The following CLN8 variants were observed in gnomAD, a reference collection of about 807,000 sequenced individuals.
CLN8 encodes protein CLN8.
In CLN8, 14 loss-of-function variants were observed where a neutral mutation model predicts 15.7. The observed-to-expected ratio is 0.89, with a 90% CI of 0.59 to 1.39. The LOEUF (loss-of-function observed/expected upper bound fraction) is 1.39. CLN8 is among the 40% of genes most tolerant of loss of function. CLN8 has a pLI of 0.00. For missense variants in CLN8, 415 were observed against 364.0 expected, an observed-to-expected ratio of 1.14 and a Z score of -1.14; for synonymous variants, 188 against 151.0, an observed-to-expected ratio of 1.25 and a Z score of -1.80.
At chr8:1,760,415 C>T (rs887075839), upstream of CLN8, 5 of 152,182 alleles carry the variant, frequency 3.3e-5, no homozygotes, top group African/African-American at 1.2e-4. Flanking sequence ...ACGGAGCAAG[C>T]TGGGAATCCG....
At position 1,781,918 on chromosome 8, in the gene CLN8, A is replaced by G. The variant is rs1801720935; in HGVS notation, c.*1351A>G. On this transcript the variant is annotated 3_prime_UTR_variant, in exon 3 of 3. Coordinates refer to ENST00000331222, the MANE Select transcript of CLN8 (RefSeq NM_018941.4). Reference sequence around the variant, plus strand: ...TTTTATACCCAGGTAGAAGTTACACAGCAATTTAGCAATGTTGTTAACAGA... The same window carrying G: ...TTTTATACCCAGGTAGAAGTTACACGGCAATTTAGCAATGTTGTTAACAGA... The G allele has an allele frequency of 6.6e-6, 1 of 151,866 alleles. No individual in the cohort carries two copies. The highest frequency in any genetic ancestry group is 2.4e-5 in the African/African-American group (1 of 41,276). The allele number at this position is 151,866 out of a possible 1,614,324, so 9.4% of individuals were successfully genotyped here. A position where few individuals can be genotyped will look rare whatever the true frequency, so the allele number is the denominator to read the frequency against.
At chr8:1,753,569 CAAAAAAAAAA>C (rs71190758), upstream of CLN8, among the ~76,000 whole-genome samples, 1 of 102,622 alleles carries the variant, frequency 9.7e-6, no homozygotes, top group African/African-American at 3.8e-5. Context: ...GAAACTGTTT[CAAAAAAAAAA>C]AAAAAAGAAA....
At chr8:1,765,390 G>C (rs1477656831) in intron 1 of CLN8, among the ~76,000 whole-genome samples, 1 of 152,194 alleles carries the variant, frequency 6.6e-6, no homozygotes, top group East Asian at 1.9e-4. Context: ...CCAAAAAATA[G>C]TGATGGTGCT....
At chr8:1,776,759 C>G (rs1801534541) in intron 2 of CLN8, among the ~76,000 whole-genome samples, 1 of 152,216 alleles carries the variant, frequency 6.6e-6, no homozygotes, top group Non-Finnish European at 1.5e-5. Context: ...CTGTGCCTGA[C>G]TGCAGTGCAC....
chr8:1,765,839 A>T (rs958455018), intron 1 of CLN8, among the ~76,000 whole-genome samples: 2 of 152,234 alleles, frequency 1.3e-5, no homozygotes, highest in African/African-American at 4.8e-5. Context: ...TAAATAGTTT[A>T]GTTATTTCTC....
intron 1 of CLN8, chr8:1,765,194 G>A (rs1456876605): frequency 1.3e-5 from 2 of 152,222 alleles, no homozygotes; most frequent in Non-Finnish European, 2.9e-5. Context: ...TGATAACGAG[G>A]AACTGGGCAA....
intron 1 of CLN8, among the ~76,000 whole-genome samples, chr8:1,767,557 G>GTT: frequency 9.3e-6 from 1 of 107,120 alleles, no homozygotes; most frequent in South Asian, 3.4e-4. Flanking sequence ...TGCTCTGTAT[G>GTT]TTTCTTTCTT....
intron 1 of CLN8, among the ~76,000 whole-genome samples, chr8:1,769,578 C>A (rs1319846391): frequency 6.6e-6 from 1 of 152,136 alleles, no homozygotes; most frequent in Non-Finnish European, 1.5e-5. Context: ...TGAGGGGGGA[C>A]CAGGCGGGGA....
chr8:1,771,608 G>C lies in CLN8; in HGVS notation c.543+11G>C, dbSNP rs538101354. 6.2e-7 allele frequency: 1 copy of C among 1,611,244 alleles called. No homozygotes were observed. The highest frequency in any genetic ancestry group is 1.1e-5 in the South Asian group (1 of 90,934). On this transcript the variant is annotated intron_variant, in intron 2 of 2. Coordinates refer to ENST00000331222, the MANE Select transcript of CLN8 (RefSeq NM_018941.4). Reference sequence around the variant, plus strand: ...TGGATGCTCTTAAAGGTAAGTGCATGCATCAGCAGAAGATGACATGTGCCT... The same window carrying C: ...TGGATGCTCTTAAAGGTAAGTGCATCCATCAGCAGAAGATGACATGTGCCT...
chr8:1,775,210 A>G (rs1253208532), intron 2 of CLN8, among the ~76,000 whole-genome samples: 1 of 152,202 alleles, frequency 6.6e-6, no homozygotes, highest in Non-Finnish European at 1.5e-5. Flanking sequence ...ACATTGTATT[A>G]GGTATTATAA....
chr8:1,777,627 T>A (rs938079371), intron 2 of CLN8, among the ~76,000 whole-genome samples: 9 of 152,294 alleles, frequency 5.9e-5, no homozygotes, highest in Admixed American at 2.0e-4. Context: ...AACTTTTTTT[T>A]AAATTGTTGA....
At chr8:1,769,146 AACAG>A (rs1378815099) in intron 1 of CLN8, among the ~76,000 whole-genome samples, 1 of 152,192 alleles carries the variant, frequency 6.6e-6, no homozygotes, top group East Asian at 1.9e-4. Flanking sequence ...TTAATGGAGA[AACAG>A]ACAAACTCTT....
intron 1 of CLN8, chr8:1,758,107 A>G (rs990373118): frequency 8.5e-5 from 13 of 152,190 alleles, no homozygotes; most frequent in African/African-American, 3.1e-4. Context: ...CATGCAAGCC[A>G]TCGGCACTGT....
chr8:1,753,426 C>T (rs1292371406), upstream of CLN8, among the ~76,000 whole-genome samples: 1 of 151,770 alleles, frequency 6.6e-6, no homozygotes, highest in African/African-American at 2.4e-5. Flanking sequence ...CAAAAATTAG[C>T]CAGGCATGGT....
chr8:1,768,630 A>G (rs1454364252), intron 1 of CLN8, among the ~76,000 whole-genome samples: 1 of 151,940 alleles, frequency 6.6e-6, no homozygotes, highest in African/African-American at 2.4e-5. Context: ...GTTCACGTTA[A>G]CCCTTGTAAT....
intron 1 of CLN8, among the ~76,000 whole-genome samples, chr8:1,757,029 C>CT (rs1457227760): frequency 6.6e-6 from 1 of 152,102 alleles, no homozygotes; most frequent in Non-Finnish European, 1.5e-5. Context: ...TTAGGTCACC[C>CT]AAGTGCCATT....
upstream of CLN8, among the ~76,000 whole-genome samples, chr8:1,754,810 G>A (rs529413218): frequency 6.9e-4 from 105 of 152,312 alleles, no homozygotes; most frequent in African/African-American, 2.5e-3. Flanking sequence ...GTGGCTCAGT[G>A]GATAGTTCAC....
At chr8:1,764,969 G>C (rs1800989383) in intron 1 of CLN8, 1 of 152,276 alleles carries the variant, frequency 6.6e-6, no homozygotes. Flanking sequence ...AAGGTTGTGA[G>C]AGGAAAGAGC....
chr8:1,767,447 T>C (rs1203562052), intron 1 of CLN8, among the ~76,000 whole-genome samples: 2 of 152,138 alleles, frequency 1.3e-5, no homozygotes, highest in Non-Finnish European at 2.9e-5. Context: ...TCCAAAAAGA[T>C]ATCTAGAAAG....
Sources: allele counts gnomAD v4.1 joint callset (sites outside exome capture counted in the v4.1 genomes callset), GRCh38; gene constraint gnomAD v4.1.1; transcripts MANE v1.5; gene names NCBI Gene and HGNC (gene_info 2026-07-23, HGNC 2026-07-21).